Variants in SRI observed in about 807,000 individuals in gnomAD.
SRI encodes the protein 22 kDa protein.
SRI carries 30 observed loss-of-function variants against 33.3 expected under a neutral mutation model. The ratio of observed to expected loss-of-function variants is 0.90; its 90% confidence interval spans 0.67 to 1.22. The LOEUF is 1.22. Among genes scored for constraint, SRI ranks in the 50% most tolerant of loss-of-function variants. The pLI is 0.00. For missense variants in SRI, 243 were observed against 250.8 expected (o/e 0.97, Z 0.21); for synonymous variants, 75 against 89.9 (o/e 0.83, Z 0.94).
chr7:88,223,432 G>T (rs933504663), upstream of SRI, among the ~76,000 whole-genome samples: 2 of 152,130 alleles, frequency 1.3e-5, no homozygotes, highest in East Asian at 3.9e-4. Flanking sequence ...CAGGTAAAGG[G>T]CCAGGTAGTA....
At chr7:88,225,834 A>G (rs938508154) in intron 1 of SRI, among the ~76,000 whole-genome samples, 2 of 152,220 alleles carry the variant, frequency 1.3e-5, no homozygotes, top group Non-Finnish European at 2.9e-5. Flanking sequence ...CATCTAGGTA[A>G]TGCTATTACT....
intron 3 of SRI, among the ~76,000 whole-genome samples, chr7:88,212,017 A>G (rs550565862): frequency 6.6e-6 from 1 of 152,378 alleles, no homozygotes; most frequent in South Asian, 2.1e-4. Flanking sequence ...AGAAGCTACA[A>G]CGCTAAATGG....
At chr7:88,211,071 A>T in intron 3 of SRI, 146 bp from the exon 4 acceptor site, 1 of 677,380 alleles carries the variant, frequency 1.5e-6, no homozygotes, top group Non-Finnish European at 2.5e-6. Flanking sequence ...ATCATATGGA[A>T]CTTCAAAGTA....
upstream of SRI, among the ~76,000 whole-genome samples, chr7:88,223,443 A>G (rs748395772): frequency 1.1e-4 from 17 of 152,108 alleles, no homozygotes; most frequent in Non-Finnish European, 2.4e-4. Flanking sequence ...CCAGGTAGTA[A>G]ATATTTTAGG....
intron 3 of SRI, among the ~76,000 whole-genome samples, chr7:88,211,396 A>C (rs1442612826): frequency 6.6e-6 from 1 of 152,182 alleles, no homozygotes; most frequent in Non-Finnish European, 1.5e-5. Flanking sequence ...AGGCGGTTAC[A>C]GTGAGCTGAG....
Position 88,206,284 on chromosome 7 carries a change from T to A in SRI, c.*194A>T. On this transcript the variant is annotated 3_prime_UTR_variant, in exon 8 of 8. Coordinates refer to ENST00000265729, the MANE Select transcript of SRI (RefSeq NM_003130.4). ...GTTCTAAATGGTGTAACAGACTAGA[T>A]CTTATTAAAGTTCCAAAGAATTTAT... 1.5e-6 allele frequency: 1 copy of A among 665,184 alleles called. No individual in the cohort carries two copies. Among genetic ancestry groups the A allele is most frequent in the African/African-American group, 1.8e-5 (1 of 55,506 alleles). 41.2% of individuals were successfully genotyped at this position (665,184 alleles called of 1,614,324 possible).
At chr7:88,212,523 G>T (rs1446535174) in intron 3 of SRI, among the ~76,000 whole-genome samples, 1 of 152,144 alleles carries the variant, frequency 6.6e-6, no homozygotes, top group African/African-American at 2.4e-5. Flanking sequence ...TCTGAGTGTG[G>T]GACCCAGGTA....
In SRI at chr7:88,209,265, G is replaced by A. The variant is rs745987253; in HGVS notation, c.511+74C>T. 6.5e-6 allele frequency: 8 copies of A among 1,227,718 alleles called. No individual in the cohort carries two copies. In the South Asian group the frequency reaches 1.1e-4, roughly 17 times the overall value. The allele number at this position is 1,227,718 out of a possible 1,614,324, so 76.1% of individuals were successfully genotyped here. ...AAAATTTGGGAAGAATAAAAGTTGA[G>A]AAGCACTGAGAGATGAAATGTAATA... is the stretch of plus-strand genomic sequence containing the variant. On this transcript the variant is annotated intron_variant, in intron 6 of 7. Coordinates refer to ENST00000265729, the MANE Select transcript of SRI (RefSeq NM_003130.4).
At chr7:88,220,189 G>A (rs1179993887), upstream of SRI, 1 of 1,313,884 alleles carries the variant, frequency 7.6e-7, no homozygotes, top group African/African-American at 1.6e-5. Context: ...CGCGGCCGTG[G>A]CTCCCCTGCC....
chr7:88,212,100 A>G (rs551879372), intron 3 of SRI, among the ~76,000 whole-genome samples: 4 of 152,266 alleles, frequency 2.6e-5, no homozygotes, highest in Non-Finnish European at 5.9e-5. Context: ...GAACATTTTT[A>G]ACAGCTCTTT....
upstream of SRI, among the ~76,000 whole-genome samples, chr7:88,222,951 A>C (rs1011890344): frequency 7.9e-5 from 12 of 152,032 alleles, no homozygotes; most frequent in Non-Finnish European, 1.0e-4. Context: ...CAAGGACTTC[A>C]TGTCCAAAAC....
chr7:88,212,269 C>A (rs151254286), intron 3 of SRI, among the ~76,000 whole-genome samples: 1 of 152,168 alleles, frequency 6.6e-6, no homozygotes, highest in Non-Finnish European at 1.5e-5. Flanking sequence ...GTGACTATTT[C>A]TATTTTGGTC....
At chr7:88,206,709 C>G (rs1851446165) in intron 7 of SRI, among the ~76,000 whole-genome samples, 1 of 152,062 alleles carries the variant, frequency 6.6e-6, no homozygotes, top group Non-Finnish European at 1.5e-5. Context: ...TTTCTCACAT[C>G]AAAACTTCTT....
At chr7:88,210,966 C>CA (rs1413220357) in intron 3 of SRI, 41 bp from the exon 4 acceptor site, 3 of 1,466,662 alleles carry the variant, frequency 2.0e-6, no homozygotes, top group African/African-American at 1.4e-5. Flanking sequence ...AACACAAATC[C>CA]AAAAATTCAC....
At chr7:88,219,703 G>C (rs538409412) in intron 1 of SRI, among the ~76,000 whole-genome samples, 2 of 152,292 alleles carry the variant, frequency 1.3e-5, no homozygotes, top group African/African-American at 4.8e-5. Context: ...TTCACGCCGC[G>C]TATCCGAGAA....
rs928567166 is a variant in SRI, at chr7:88,214,814, T to C, written c.205+2308A>G. ...ATTTACCTTTACTCTTTTTCTTCTCTTCTGTTCATTCTACTAGAATGCCTC... is the reference window on the plus strand; with the variant it reads ...ATTTACCTTTACTCTTTTTCTTCTCCTCTGTTCATTCTACTAGAATGCCTC... On this transcript the variant is annotated intron_variant, in intron 3 of 7. Transcript: ENST00000265729. 1.7e-5 allele frequency: 19 copies of C among 1,144,998 alleles called. No homozygotes were observed. The African/African-American group carries it at 3.1e-4, about 19-fold the overall frequency. 70.9% of individuals were successfully genotyped at this position (1,144,998 alleles called of 1,614,324 possible). A position where few individuals can be genotyped will look rare whatever the true frequency, so the allele number is the denominator to read the frequency against.
chr7:88,215,281 T>C (rs1440637082), intron 3 of SRI, among the ~76,000 whole-genome samples: 2 of 152,254 alleles, frequency 1.3e-5, no homozygotes, highest in East Asian at 1.9e-4. Flanking sequence ...CTTTAATGCA[T>C]TGATCTAAGG....
chr7:88,206,442 G>A lies in SRI; in HGVS notation c.*36C>T. ...GGACAAGCAAAGGAGAGCTCCAGTTGGAATGTTGATTACATTCATGCAGCT... is the reference window on the plus strand; with the variant it reads ...GGACAAGCAAAGGAGAGCTCCAGTTAGAATGTTGATTACATTCATGCAGCT... On this transcript the variant is annotated 3_prime_UTR_variant, in exon 8 of 8. Transcript: ENST00000265729. 1 of 1,611,948 alleles carries A rather than the reference G, an allele frequency of 6.2e-7. No homozygotes were observed. Among genetic ancestry groups the A allele is most frequent in the Non-Finnish European group, 8.5e-7 (1 of 1,178,108 alleles).
chr7:88,214,794 C>T, intron 3 of SRI: 1 of 1,024,706 alleles, frequency 9.8e-7, no homozygotes, highest in Non-Finnish European at 1.2e-6. Flanking sequence ...CTGTAATTTA[C>T]CTTTACTCTT....
Sources: allele counts gnomAD v4.1 joint callset (sites outside exome capture counted in the v4.1 genomes callset), GRCh38; gene constraint gnomAD v4.1.1; transcripts MANE v1.5; gene names NCBI Gene and HGNC (gene_info 2026-07-23, HGNC 2026-07-21).